Variants in NOTCH3 observed in about 807,000 individuals in gnomAD.
NOTCH3 encodes the protein notch receptor 3, also known as neurogenic locus notch homolog protein 3.
NOTCH3 carries 86 observed loss-of-function variants against 213.3 expected under a neutral mutation model. That is an observed-to-expected ratio of 0.40 (90% CI 0.34 to 0.48). NOTCH3 has a LOEUF of 0.48. Among genes scored for constraint, NOTCH3 ranks in the 20% least tolerant of loss-of-function variants. The pLI is 0.57. For synonymous variants in NOTCH3, 1,354 were observed against 1,355.9 expected (o/e 1.00, Z 0.03); for missense variants, 2,783 against 3,272.6 (o/e 0.85, Z 3.65).
intron 31 of NOTCH3, among the ~76,000 whole-genome samples, chr19:15,163,679 G>A (rs2038477755): frequency 6.6e-6 from 1 of 152,026 alleles, no homozygotes; most frequent in South Asian, 2.1e-4. Flanking sequence ...AAAAATTTAA[G>A]AATTACCCAG....
At chr19:15,173,048 TC>T (rs1418682563) in intron 25 of NOTCH3, among the ~76,000 whole-genome samples, 1 of 6,790 alleles carries the variant, frequency 1.5e-4, no homozygotes, top group African/African-American at 2.3e-4. Flanking sequence ...TCCCCCTCCC[TC>T]CTCCCTCTTC....
intron 29 of NOTCH3, among the ~76,000 whole-genome samples, 185 bp from the exon 30 acceptor site, chr19:15,166,276 C>G (rs1195752814): frequency 6.6e-6 from 1 of 152,152 alleles, no homozygotes; most frequent in African/African-American, 2.4e-5. Flanking sequence ...CAGAACTACT[C>G]CTAGGGCACA....
At position 15,187,946 on chromosome 19, in the gene NOTCH3, G is replaced by C; in HGVS notation, c.1541C>G (p.Thr514Arg). The C allele has an allele frequency of 6.4e-7, 1 of 1,550,536 alleles. No homozygotes were observed. The highest frequency in any genetic ancestry group is 1.2e-5 in the South Asian group (1 of 84,020). Residue 514 changes from threonine to arginine, a missense_variant, in exon 10 of 33, where the codon ACG (threonine) becomes AGG (arginine). This residue lies in a region of NOTCH3 where 708 missense variants were observed against 906.6 expected (regional missense o/e 0.78). Coordinates refer to ENST00000263388, the MANE Select transcript of NOTCH3 (RefSeq NM_000435.3). Reference protein sequence around the residue: ...CQLDVDECASTPCRNGAKCVD... With the variant: ...CQLDVDECASRPCRNGAKCVD... ...GCATTTGGCGCCATTCCTGCAGGGCGTGCTGGCGCATTCGTCCACGTCCAG... is the reference window on the plus strand; with the variant it reads ...GCATTTGGCGCCATTCCTGCAGGGCCTGCTGGCGCATTCGTCCACGTCCAG...
rs937296497 is a variant in NOTCH3, at chr19:15,170,435, C to T, written c.5010G>A (p.Glu1670=). Residue 1670 remains glutamate, a synonymous_variant, in exon 27 of 33, where the codon GAG becomes GAA. Coordinates refer to ENST00000263388, the MANE Select transcript of NOTCH3 (RefSeq NM_000435.3). ...CCTCAGGGAACCAGAGGGTGCTGTG[C>T]TCGCGCTTGCGCCGGGCCACCATGA... ...LGVMVARRKR[E]HSTLWFPEGF... The T allele has an allele frequency of 6.8e-6, 11 of 1,611,778 alleles. No homozygotes were observed. The African/African-American group carries it at 1.5e-4, about 22-fold the overall frequency.
rs775292982 is a variant in NOTCH3 at position 15,178,941 on chromosome 19, C to T, written c.3719G>A (p.Gly1240Asp). 3 of 1,613,996 alleles carry T rather than the reference C, an allele frequency of 1.9e-6. No homozygotes were observed. The highest frequency in any genetic ancestry group is 2.5e-6 in the Non-Finnish European group (3 of 1,180,008). Residue 1240 changes from glycine (G) to aspartate (D), a missense_variant and splice_region_variant, in exon 23 of 33, where the codon GGT becomes GAT. Coordinates refer to ENST00000263388, the MANE Select transcript of NOTCH3 (RefSeq NM_000435.3). ...FRCLCHAGFS[G>D]PRCQTVLSPC... Reference sequence around the variant, plus strand: ...AGACAGGACAGTCTGACAGCGAGGACCTGAGCGAGCGGGAGCATGTAGATC... The same window carrying T: ...AGACAGGACAGTCTGACAGCGAGGATCTGAGCGAGCGGGAGCATGTAGATC...
rs2046802612 is a variant in NOTCH3 at position 15,177,594 on chromosome 19, G to A, written c.4334C>T (p.Ala1445Val). The change falls in exon 24 of 33, where the codon GCC (alanine) becomes GTC (valine). Residue 1445 changes from alanine (A) to valine (V), a missense_variant. Ala to Val is a moderately conservative substitution (Grantham distance 64). Around this residue, in one of 6 missense-constraint regions of NOTCH3, gnomAD observed 636 missense variants for 801.8 expected, o/e 0.79. Coordinates refer to ENST00000263388, the MANE Select transcript of NOTCH3 (RefSeq NM_000435.3). ...RLFNNSRCDP[A>V]CSSPACLYDN... is the part of the protein sequence containing the mutation. ...GTAGAGGCAGGCGGGCGAGCTGCAG[G>A]CGGGGTCGCAGCGGCTGTTGTTGAA... 6.2e-7 allele frequency: 1 copy of A among 1,602,316 alleles called. No homozygotes were observed.
At position 15,165,717 on chromosome 19, in the gene NOTCH3, C is replaced by G; in HGVS notation, c.5667+70G>C. ...GAAAAAATGAGTCTGAAAGGCAGAA[C>G]TGGGGCTCAAACCCAGGTAAGTCTA... On this transcript the variant is annotated intron_variant, in intron 30 of 32. Transcript: ENST00000263388. This position sits in a 1 kb window ranked among gnomAD's most constrained non-coding sequence, Gnocchi z 4.7. 6.4e-7 allele frequency: 1 copy of G among 1,557,534 alleles called. No individual in the cohort carries two copies.
Position 15,160,380 on chromosome 19 carries a change from A to G in NOTCH3, c.*282T>C. The G allele has an allele frequency of 2.1e-6, 1 of 469,164 alleles. No homozygotes were observed. The allele number at this position is 469,164 out of a possible 1,614,324, so 29.1% of individuals were successfully genotyped here. A position where few individuals can be genotyped will look rare whatever the true frequency, so the allele number is the denominator to read the frequency against. On this transcript the variant is annotated 3_prime_UTR_variant, in exon 33 of 33. Transcript: ENST00000263388. ...TGTAAGGAAATGAGAGGCCAGAAGGAGAGAGAAAGGAATGAGGGAAGAGAG... is the reference window on the plus strand; with the variant it reads ...TGTAAGGAAATGAGAGGCCAGAAGGGGAGAGAAAGGAATGAGGGAAGAGAG...
At chr19:15,177,466 G>T in intron 24 of NOTCH3, 59 bp downstream of exon 24, 1 of 1,510,196 alleles carries the variant, frequency 6.6e-7, no homozygotes, top group South Asian at 1.2e-5. Flanking sequence ...CAGGGCCCAC[G>T]GACAAACAGA....
rs574116419 is a variant in NOTCH3, at chr19:15,179,481, T to A, written c.3343A>T (p.Asn1115Tyr). The change falls in exon 21 of 33, where the codon AAT becomes TAT. Residue 1115 changes from asparagine to tyrosine, a missense_variant. By Grantham distance (143) the Asn-to-Tyr change is moderately radical. Coordinates refer to ENST00000263388, the MANE Select transcript of NOTCH3 (RefSeq NM_000435.3). ...ACGTCGTCCTCACAGTTATCACCAT[T>A]GTAGCCAGGAAGACACTTCAGTGGG... The part of the protein sequence containing the change: ...GYMCECLPGY[N>Y]GDNCEDDVDE... 2.5e-6 allele frequency: 4 copies of A among 1,613,996 alleles called. No homozygotes were observed. In the African/African-American group the frequency reaches 5.3e-5, roughly 22 times the overall value.
At chr19:15,166,737 T>C (rs1193044506) in intron 29 of NOTCH3, among the ~76,000 whole-genome samples, 1 of 152,210 alleles carries the variant, frequency 6.6e-6, no homozygotes, top group African/African-American at 2.4e-5. Flanking sequence ...TCCTCATTTT[T>C]CTTAGGGAGC....
chr19:15,197,654 C>T, intron 1 of NOTCH3, 76 bp from the exon 2 acceptor site: 4 of 1,318,550 alleles, frequency 3.0e-6, no homozygotes, highest in Non-Finnish European at 4.3e-6. Flanking sequence ...AACCCCCTCC[C>T]TCCCTCCACC....
Position 15,192,017 on chromosome 19 carries a change from T to C in NOTCH3, c.622A>G (p.Asn208Asp). The C allele has an allele frequency of 1.2e-6, 2 of 1,613,232 alleles. No individual in the cohort carries two copies. The highest frequency in any genetic ancestry group is 1.7e-6 in the Non-Finnish European group (2 of 1,179,964). The stretch of plus-strand genomic sequence containing the variant: ...CCACTCTGCCTGCAGGTGCCCCCGT[T>C]ACGGCATGGTGAGGGTGCACAGGGC... ...AVPCAPSPCRNGGTCRQSGDL... is the reference protein window; with the variant it reads ...AVPCAPSPCRDGGTCRQSGDL... The change falls in exon 4 of 33, where the codon AAC (asparagine) becomes GAC (aspartate). Residue 208 changes from asparagine (N) to aspartate (D), a missense_variant. By Grantham distance (23) the Asn-to-Asp change is conservative. Around this residue, in one of 6 missense-constraint regions of NOTCH3, gnomAD observed 708 missense variants for 906.6 expected, o/e 0.78. Coordinates refer to ENST00000263388, the MANE Select transcript of NOTCH3 (RefSeq NM_000435.3).
rs10408984 is a variant in NOTCH3 at position 15,187,459 on chromosome 19, A to G, written c.1607-121T>C. 622,542 of 744,036 alleles carry G rather than the reference A, an allele frequency of 0.84. 262,838 individuals carry two copies. The highest frequency in any genetic ancestry group is 0.88 in the East Asian group (32,440 of 36,898). 46.1% of individuals were successfully genotyped at this position (744,036 alleles called of 1,614,324 possible). A position where few individuals can be genotyped will look rare whatever the true frequency, so the allele number is the denominator to read the frequency against. ...CTGCCCATCAAGCTGTCAGGAGGCG[A>G]GCTCAATACAGGCCCCACCCCCCAC... On this transcript the variant is annotated intron_variant, in intron 10 of 32. Transcript: ENST00000263388.
intron 17 of NOTCH3, 132 bp from the exon 18 acceptor site, chr19:15,181,294 C>G (rs920775527): frequency 3.5e-6 from 3 of 852,980 alleles, no homozygotes; most frequent in Admixed American, 4.1e-5. Context: ...AGCTGCAGCC[C>G]CAGCAGAAGC....
chr19:15,199,884 C>T (rs1344604020), intron 1 of NOTCH3, among the ~76,000 whole-genome samples: 2 of 152,072 alleles, frequency 1.3e-5, no homozygotes, highest in Non-Finnish European at 2.9e-5. Context: ...CCCCCGCCCA[C>T]CAGGCCTCCC....
intron 12 of NOTCH3, among the ~76,000 whole-genome samples, chr19:15,186,074 TTGTGTGTGCA>T (rs2046879215): frequency 6.6e-6 from 1 of 151,700 alleles, no homozygotes; most frequent in Non-Finnish European, 1.5e-5. Flanking sequence ...GTCTGGCTAA[TTGTGTGTGCA>T]TGTGTGTGCG....
chr19:15,165,545 G>C lies in NOTCH3; in HGVS notation c.5668-30C>G, dbSNP rs1441577412. 1 of 1,607,098 alleles carries C rather than the reference G, an allele frequency of 6.2e-7. No homozygotes were observed. The highest frequency in any genetic ancestry group is 8.5e-7 in the Non-Finnish European group (1 of 1,179,734). ...GACAGAGAGTGGATGCAGCAGGAGG[G>C]GTCATGGCAGGAACAGAGGAATCAG... On this transcript the variant is annotated intron_variant, in intron 30 of 32. Transcript: ENST00000263388. The surrounding 1 kb of genome is among the most constrained non-coding windows in gnomAD (Gnocchi z 4.7).
In NOTCH3 at chr19:15,165,974, T is replaced by A; in HGVS notation, c.5480A>T (p.Gln1827Leu). ...AGTCCGTGCCCCAAGCTGAGCCCCC[T>A]GGCAGATCAGGTCGGAGATGATGCT... ...SASIISDLICQGAQLGARTDR... is the reference protein window; with the variant it reads ...SASIISDLICLGAQLGARTDR... Residue 1827 changes from glutamine to leucine, a missense_variant, in exon 30 of 33, where the codon CAG (glutamine) becomes CTG (leucine). This residue lies in a region of NOTCH3 where 636 missense variants were observed against 801.8 expected (regional missense o/e 0.79). Coordinates refer to ENST00000263388, the MANE Select transcript of NOTCH3 (RefSeq NM_000435.3). The surrounding 1 kb of genome is among the most constrained non-coding windows in gnomAD (Gnocchi z 4.7). 1 of 1,614,194 alleles carries A rather than the reference T, an allele frequency of 6.2e-7. No individual in the cohort carries two copies.
Sources: allele counts gnomAD v4.1 joint callset (sites outside exome capture counted in the v4.1 genomes callset), GRCh38; gene constraint gnomAD v4.1.1; regional missense constraint gnomAD v4.1.1; non-coding constraint Gnocchi (gnomAD v3.1); transcripts MANE v1.5; gene names NCBI Gene and HGNC (gene_info 2026-07-23, HGNC 2026-07-21).